Variants in RELCH observed in about 807,000 individuals in gnomAD.
The protein encoded by RELCH is RAB11-binding protein RELCH.
A neutral mutation model predicts 150.3 loss-of-function variants in RELCH; 41 were observed. That is an observed-to-expected ratio of 0.27 (90% CI 0.21 to 0.35). RELCH has a LOEUF of 0.35. RELCH is among the 10% of genes least tolerant of loss of function. RELCH has a pLI of 1.00. For synonymous variants in RELCH, 478 were observed against 531.8 expected (o/e 0.90, Z 1.39); for missense variants, 1,092 against 1,467.8 (o/e 0.74, Z 4.18).
At chr18:62,218,343 G>A (rs2040614503) in intron 2 of RELCH, among the ~76,000 whole-genome samples, 1 of 151,872 alleles carries the variant, frequency 6.6e-6, no homozygotes, top group Non-Finnish European at 1.5e-5. Flanking sequence ...CAGTGTTATG[G>A]AAAAGATCTT....
rs1055247524 is a variant in RELCH at position 62,227,827 on chromosome 18, G to A, written c.1154+138G>A. The A allele has an allele frequency of 1.7e-4, 87 of 498,918 alleles. 1 individual carries two copies. The East Asian group carries it at 2.7e-3, about 16-fold the overall frequency. 30.9% of individuals were successfully genotyped at this position (498,918 alleles called of 1,614,324 possible). A position where few individuals can be genotyped will look rare whatever the true frequency, so the allele number is the denominator to read the frequency against. On this transcript the variant is annotated intron_variant, in intron 7 of 28. Transcript: ENST00000644646. Reference sequence around the variant, plus strand: ...TTTAATACTTCTGAAAGAAAGTTTTGTAATTGTTTAATGTATTTAAAATAG... The same window carrying A: ...TTTAATACTTCTGAAAGAAAGTTTTATAATTGTTTAATGTATTTAAAATAG...
chr18:62,187,816 A>G lies in RELCH; in HGVS notation c.311A>G (p.Asp104Gly), dbSNP rs1435619162. Reference protein sequence around the residue: ...IDAIAAQLLRDQYLLTALELH... With the variant: ...IDAIAAQLLRGQYLLTALELH... ...GCGATCGCTGCTCAGCTGTTGCGCG[A>G]TCAATACTTGCTGACCGCCCTGGAG... Residue 104 changes from aspartate to glycine, a missense_variant, in exon 1 of 29, where the codon GAT becomes GGT. Physicochemically the swap from Asp to Gly is moderately conservative, Grantham distance 94 (BLOSUM62 -1). Around this residue, in one of 4 missense-constraint regions of RELCH, gnomAD observed 190 missense variants for 276.2 expected, o/e 0.69. Coordinates refer to ENST00000644646, the MANE Select transcript of RELCH (RefSeq NM_001346231.2). 4 of 1,595,060 alleles carry G rather than the reference A, an allele frequency of 2.5e-6. No individual in the cohort carries two copies. In the African/African-American group the frequency reaches 4.0e-5, roughly 16 times the overall value.
intron 10 of RELCH, 78 bp downstream of exon 10, chr18:62,232,505 AT>A (rs1418785409): frequency 5.9e-6 from 5 of 841,130 alleles, no homozygotes; most frequent in Non-Finnish European, 1.0e-5. Context: ...GTTGAGTGTT[AT>A]ATTTTTATTT....
intron 24 of RELCH, among the ~76,000 whole-genome samples, chr18:62,282,055 GTTGTTATAAT>G (rs2044544742): frequency 6.6e-6 from 1 of 151,758 alleles, no homozygotes; most frequent in South Asian, 2.1e-4. Context: ...TTTTTCTTTT[GTTGTTATAAT>G]TTGTTCAGGA....
At chr18:62,279,378 A>G (rs1255820505) in intron 22 of RELCH, among the ~76,000 whole-genome samples, 1 of 152,184 alleles carries the variant, frequency 6.6e-6, no homozygotes, top group Non-Finnish European at 1.5e-5. Flanking sequence ...CCCAGTTTGT[A>G]CCCTGTTGGT....
At chr18:62,219,139 A>C (rs1295992919) in intron 2 of RELCH, among the ~76,000 whole-genome samples, 2 of 151,790 alleles carry the variant, frequency 1.3e-5, no homozygotes, top group African/African-American at 4.8e-5. Flanking sequence ...GGTAAATTCT[A>C]ATGACATTTG....
intron 10 of RELCH, among the ~76,000 whole-genome samples, chr18:62,235,767 A>T (rs1210934250): frequency 6.6e-6 from 1 of 151,998 alleles, no homozygotes; most frequent in African/African-American, 2.4e-5. Context: ...TATCCTGGTT[A>T]TCAAAACAAC....
intron 26 of RELCH, among the ~76,000 whole-genome samples, chr18:62,289,944 GGTCATTCACA>G (rs1340217439): frequency 6.6e-6 from 1 of 152,086 alleles, no homozygotes; most frequent in African/African-American, 2.4e-5. Context: ...CTAATTCAAA[GGTCATTCACA>G]GTTATATTTT....
Position 62,187,666 on chromosome 18 carries a change from C to T in RELCH, c.161C>T (p.Ser54Leu), listed in dbSNP as rs1413197833. ...GSGLDPGSAG[S>L]LSPQDPVALG... ...GGCCTAGATCCTGGCTCTGCGGGCT[C>T]GCTGTCGCCACAGGATCCCGTGGCC... The change falls in exon 1 of 29, where the codon TCG becomes TTG. Residue 54 changes from serine to leucine, a missense_variant. Transcript: ENST00000644646. 3.2e-6 allele frequency: 5 copies of T among 1,563,466 alleles called. No individual in the cohort carries two copies. The Admixed American group carries it at 5.6e-5, about 17-fold the overall frequency.
At chr18:62,289,828 C>T (rs529275403) in intron 26 of RELCH, among the ~76,000 whole-genome samples, 2 of 152,296 alleles carry the variant, frequency 1.3e-5, no homozygotes, top group African/African-American at 4.8e-5. Context: ...AGGCCCCCAA[C>T]AGAGAGTAGA....
intron 11 of RELCH, chr18:62,246,003 AC>A (rs2148505733): frequency 6.6e-6 from 1 of 152,178 alleles, no homozygotes; most frequent in East Asian, 1.9e-4. Context: ...ATACCTGGTG[AC>A]CCCCTCAGGC....
rs1022446871 is a variant in RELCH, at chr18:62,210,025, A to G, written c.527-1128A>G. ...TTCAGTGGATTCCTGAGAGTTTCTT[A>G]TATATAACATCATGTCATCTGTGAA... On this transcript the variant is annotated intron_variant, in intron 1 of 28. Coordinates refer to ENST00000644646, the MANE Select transcript of RELCH (RefSeq NM_001346231.2). 2.6e-5 allele frequency among the ~76,000 whole-genome samples: 4 copies of G among 152,244 alleles called. No individual in the cohort carries two copies. In the South Asian group the frequency reaches 6.2e-4, roughly 24 times the overall value.
chr18:62,277,819 A>G (rs1004934145), intron 22 of RELCH: 1 of 830,856 alleles, frequency 1.2e-6, no homozygotes. Flanking sequence ...GGAATTTATC[A>G]TGTTATAATA....
chr18:62,267,739 T>C (rs760226507), intron 19 of RELCH, among the ~76,000 whole-genome samples: 1 of 151,858 alleles, frequency 6.6e-6, no homozygotes, highest in Non-Finnish European at 1.5e-5. Flanking sequence ...GCCTAAATTG[T>C]TGGTAATATA....
At chr18:62,202,142 A>G (rs542370886) in intron 1 of RELCH, among the ~76,000 whole-genome samples, 1 of 152,326 alleles carries the variant, frequency 6.6e-6, no homozygotes, top group African/African-American at 2.4e-5. Context: ...GAAGTTACAC[A>G]ATAGGCATCC....
Position 62,261,825 on chromosome 18 carries a change from C to A in RELCH, c.2350+167C>A, listed in dbSNP as rs536879186. Among the ~76,000 whole-genome samples, 11 of 152,046 alleles carry A rather than the reference C, an allele frequency of 7.2e-5. No individual in the cohort carries two copies. The South Asian group carries it at 2.3e-3, about 32-fold the overall frequency. ...GTCATAAGATTATACGTATGGTAAA[C>A]AATATGGCTTCATCTTTTATGGATA... On this transcript the variant is annotated intron_variant, in intron 16 of 28. Transcript: ENST00000644646.
chr18:62,222,000 C>T (rs2040907211), intron 5 of RELCH, among the ~76,000 whole-genome samples: 1 of 151,838 alleles, frequency 6.6e-6, no homozygotes, highest in African/African-American at 2.4e-5. Flanking sequence ...CTGATAAAAT[C>T]TCTTTAAGCA....
In RELCH at chr18:62,310,136, T is replaced by C. The variant is rs536377082; in HGVS notation, c.*4602T>C. ...TTATGATTTCATAGATGCTTTATCT[T>C]CATTTCTGATCATTACTTGACAGTT... On this transcript the variant is annotated 3_prime_UTR_variant, in exon 29 of 29. Coordinates refer to ENST00000644646, the MANE Select transcript of RELCH (RefSeq NM_001346231.2). 1.5e-4 allele frequency: 23 copies of C among 152,346 alleles called. No homozygotes were observed. The highest frequency in any genetic ancestry group is 4.8e-4 in the African/African-American group (20 of 41,582). The allele number at this position is 152,346 out of a possible 1,614,324, so 9.4% of individuals were successfully genotyped here. A position where few individuals can be genotyped will look rare whatever the true frequency, so the allele number is the denominator to read the frequency against.
At position 62,289,926 on chromosome 18, in the gene RELCH, T is replaced by G. The variant is rs539134038; in HGVS notation, c.3371-1617T>G. 3.9e-5 allele frequency among the ~76,000 whole-genome samples: 6 copies of G among 152,224 alleles called. No individual in the cohort carries two copies. In the East Asian group the frequency reaches 1.2e-3, roughly 29 times the overall value. Reference sequence around the variant, plus strand: ...GCCCATATTTCTCTAGATCAGACTCTTAAACTACTAATTCAAAGGTCATTC... The same window carrying G: ...GCCCATATTTCTCTAGATCAGACTCGTAAACTACTAATTCAAAGGTCATTC... On this transcript the variant is annotated intron_variant, in intron 26 of 28. Coordinates refer to ENST00000644646, the MANE Select transcript of RELCH (RefSeq NM_001346231.2).
Sources: gnomAD v4.1 joint callset for allele counts (sites outside exome capture counted in the v4.1 genomes callset) on GRCh38, gnomAD v4.1.1 for gene constraint, gnomAD v4.1.1 regional missense constraint, MANE v1.5 for transcripts, NCBI Gene and HGNC (gene_info 2026-07-23, HGNC 2026-07-21) for gene names.